Variants in LAMA4 observed in about 807,000 individuals in gnomAD.
The protein encoded by LAMA4 is laminin subunit alpha 4.
Under a neutral mutation model 207.1 loss-of-function variants are expected in LAMA4, and 127 were observed. That is an observed-to-expected ratio of 0.61 (90% CI 0.53 to 0.71). The LOEUF is 0.71. Among genes scored for constraint, LAMA4 ranks in the 30% least tolerant of loss-of-function variants. The pLI is 0.00. For missense variants in LAMA4, 2,093 were observed against 2,246.5 expected (o/e 0.93, Z 1.38); for synonymous variants, 761 against 816.0 (o/e 0.93, Z 1.15).
In LAMA4 at chr6:112,181,003, C is replaced by T. The variant is rs183755804; in HGVS notation, c.1078-2771G>A. Among the ~76,000 whole-genome samples, 18 of 152,292 alleles carry T rather than the reference C, an allele frequency of 1.2e-4. No homozygotes were observed. The East Asian group carries it at 2.9e-3, about 24-fold the overall frequency. ...TTTAAAATGTCCAGAGTAATCCATT[C>T]GTGTTCGTAGTCTTAGTCATCCACG... On this transcript the variant is annotated intron_variant, in intron 9 of 38. Coordinates refer to ENST00000230538, the MANE Select transcript of LAMA4 (RefSeq NM_001105206.3).
Position 112,144,914 on chromosome 6 carries a change from A to G in LAMA4, c.2373T>C (p.Val791=). 1 of 1,613,910 alleles carries G rather than the reference A, an allele frequency of 6.2e-7. No individual in the cohort carries two copies. The highest frequency in any genetic ancestry group is 8.5e-7 in the Non-Finnish European group (1 of 1,179,958). Residue 791 remains valine (V), a synonymous_variant, in exon 19 of 39, where the codon GTT becomes GTC. Coordinates refer to ENST00000230538, the MANE Select transcript of LAMA4 (RefSeq NM_001105206.3). The part of the protein sequence containing the change: ...ARDAVRNLTE[V]VPQLLDQLRT... Reference sequence around the variant, plus strand: ...GAAGCTGATCCAGGAGCTGAGGGACAACCTCGGTCAGATTTCTTACTGCAG... The same window carrying G: ...GAAGCTGATCCAGGAGCTGAGGGACGACCTCGGTCAGATTTCTTACTGCAG...
chr6:112,191,940 G>T, intron 5 of LAMA4, 90 bp from the exon 6 acceptor site: 1 of 1,010,300 alleles, frequency 9.9e-7, no homozygotes. Context: ...AGATGTAGTG[G>T]ATATTTATTG....
intron 2 of LAMA4, among the ~76,000 whole-genome samples, chr6:112,223,197 C>T (rs948044260): frequency 5.3e-5 from 8 of 151,772 alleles, no homozygotes; most frequent in African/African-American, 1.9e-4. Context: ...TTTTTTACAT[C>T]TGAAAACTGA....
intron 38 of LAMA4, 123 bp downstream of exon 38, chr6:112,113,953 C>G: frequency 9.0e-7 from 1 of 1,108,264 alleles, no homozygotes; most frequent in Non-Finnish European, 1.4e-6. Flanking sequence ...TTAAACAACA[C>G]TGTATATAAA....
chr6:112,240,205 A>G (rs1296333725), intron 2 of LAMA4, among the ~76,000 whole-genome samples: 8 of 152,266 alleles, frequency 5.3e-5, no homozygotes, highest in Non-Finnish European at 1.0e-4. Flanking sequence ...CTGTCTAATC[A>G]TTTCTCCTGA....
intron 11 of LAMA4, 143 bp downstream of exon 11, chr6:112,175,170 G>A: frequency 1.2e-6 from 1 of 814,018 alleles, no homozygotes. Flanking sequence ...ATGATTCCCT[G>A]TGGCCACATG....
At position 112,130,109 on chromosome 6, in the gene LAMA4, A is replaced by T. The variant is rs539400087; in HGVS notation, c.3969-69T>A. On this transcript the variant is annotated intron_variant, in intron 29 of 38. Transcript: ENST00000230538. Reference sequence around the variant, plus strand: ...TTTACCTTGACCCACTCTAGGTTGGATAAGCAGGTTTTCTCATGAAATTGA... The same window carrying T: ...TTTACCTTGACCCACTCTAGGTTGGTTAAGCAGGTTTTCTCATGAAATTGA... 5 of 1,357,126 alleles carry T rather than the reference A, an allele frequency of 3.7e-6. No homozygotes were observed. In the South Asian group the frequency reaches 4.7e-5, roughly 13 times the overall value. The allele number at this position is 1,357,126 out of a possible 1,614,324, so 84.1% of individuals were successfully genotyped here.
upstream of LAMA4, chr6:112,254,959 A>G (rs896769559): frequency 1.3e-5 from 2 of 152,156 alleles, no homozygotes; most frequent in African/African-American, 4.8e-5. Context: ...CTTTGTGCTA[A>G]TATCTTCTCT....
intron 24 of LAMA4, 101 bp downstream of exon 24, chr6:112,139,019 T>C (rs1425798344): frequency 8.6e-7 from 1 of 1,165,758 alleles, no homozygotes; most frequent in African/African-American, 1.5e-5. Flanking sequence ...AATTTCAGTT[T>C]GATGGCATGA....
At chr6:112,198,134 A>C (rs979727788) in intron 5 of LAMA4, among the ~76,000 whole-genome samples, 10 of 152,172 alleles carry the variant, frequency 6.6e-5, no homozygotes, top group Admixed American at 6.5e-5. Context: ...GTCCTGGTGC[A>C]TGAGAATCCG....
chr6:112,142,641 A>G (rs1205864974), intron 19 of LAMA4, among the ~76,000 whole-genome samples: 1 of 152,304 alleles, frequency 6.6e-6, no homozygotes, highest in East Asian at 1.9e-4. Flanking sequence ...TTTATACAAA[A>G]CTAATTGTTT....
chr6:112,241,118 T>TATATATGAATATATATCTGA (rs1562101779), intron 2 of LAMA4, among the ~76,000 whole-genome samples: 1 of 102,492 alleles, frequency 9.8e-6, no homozygotes, highest in African/African-American at 3.0e-5. Context: ...TATATATGAA[T>TATATATGAATATATATCTGA]ATATATATGA....
intron 38 of LAMA4, 43 bp from the exon 39 acceptor site, chr6:112,109,625 A>G: frequency 1.2e-6 from 2 of 1,600,888 alleles, no homozygotes; most frequent in South Asian, 2.2e-5. Flanking sequence ...CAATTGAGGT[A>G]TTCCAAGCCC....
chr6:112,223,290 A>G (rs1429906580), intron 2 of LAMA4, among the ~76,000 whole-genome samples: 4 of 152,222 alleles, frequency 2.6e-5, no homozygotes, highest in Non-Finnish European at 5.9e-5. Context: ...AGGGTTAGCA[A>G]TAAGAATGAG....
intron 4 of LAMA4, among the ~76,000 whole-genome samples, chr6:112,203,422 T>C (rs1244734335): frequency 2.0e-5 from 3 of 152,232 alleles, no homozygotes; most frequent in Non-Finnish European, 4.4e-5. Context: ...GACGCCTTTC[T>C]GAAAAGTCCT....
chr6:112,155,565 A>G lies in LAMA4; in HGVS notation c.1959T>C (p.Asp653=), dbSNP rs143269044. Residue 653 remains aspartate, a splice_region_variant and synonymous_variant, in exon 15 of 39, where the codon GAT becomes GAC. Transcript: ENST00000230538. ...FALNTTDRIY[D]AVSGIDTQII... ...TAAAGAACTTTCAGGGAATACTCAC[A>G]TCATAAATTCGGTCAGTGGTGTTCA... 8.9e-4 allele frequency: 1,432 copies of G among 1,614,170 alleles called. 8 individuals are homozygous for G. Among genetic ancestry groups the G allele is most frequent in the Middle Eastern group, 2.3e-3 (14 of 6,058 alleles).
chr6:112,199,639 A>G (rs1283163460), intron 5 of LAMA4, among the ~76,000 whole-genome samples: 1 of 152,196 alleles, frequency 6.6e-6, no homozygotes, highest in Non-Finnish European at 1.5e-5. Context: ...CTCTTATGGC[A>G]ATAAATAAAT....
chr6:112,234,938 C>G (rs1346382667), intron 2 of LAMA4, among the ~76,000 whole-genome samples: 2 of 152,142 alleles, frequency 1.3e-5, no homozygotes, highest in Non-Finnish European at 2.9e-5. Context: ...ATCCAAATAT[C>G]TTCGGATAAT....
intron 4 of LAMA4, among the ~76,000 whole-genome samples, chr6:112,202,111 A>G (rs1783781866): frequency 6.6e-6 from 1 of 152,158 alleles, no homozygotes; most frequent in African/African-American, 2.4e-5. Flanking sequence ...TAAACTATAT[A>G]ATCTCCACAG....
Sources: gnomAD v4.1 joint callset for allele counts (sites outside exome capture counted in the v4.1 genomes callset) on GRCh38, gnomAD v4.1.1 for gene constraint, MANE v1.5 for transcripts, NCBI Gene and HGNC (gene_info 2026-07-23, HGNC 2026-07-21) for gene names.